Variants in MAP2K4 observed in about 807,000 individuals in gnomAD.
MAP2K4 encodes mitogen-activated protein kinase kinase 4.
A neutral mutation model predicts 48.5 loss-of-function variants in MAP2K4; 4 were observed. The ratio of observed to expected loss-of-function variants is 0.08; its 90% CI spans 0.04 to 0.19. The LOEUF is 0.19. MAP2K4 is among the 10% of genes least tolerant of loss of function. The pLI, the probability that MAP2K4 is intolerant of heterozygous loss-of-function variation, is 1.00. For missense variants in MAP2K4, 258 were observed against 493.3 expected, an observed-to-expected ratio of 0.52 and a Z score of 4.52; for synonymous variants, 166 against 173.1, an observed-to-expected ratio of 0.96 and a Z score of 0.32.
chr17:12,065,080 G>A (rs1028854006), intron 2 of MAP2K4, among the ~76,000 whole-genome samples: 3 of 152,012 alleles, frequency 2.0e-5, no homozygotes, highest in Non-Finnish European at 4.4e-5. Context: ...GGGAACCAGG[G>A]AATTTTCTGA....
intron 1 of MAP2K4, among the ~76,000 whole-genome samples, chr17:12,043,739 G>T (rs907342870): frequency 6.6e-6 from 1 of 152,200 alleles, no homozygotes; most frequent in East Asian, 1.9e-4. Context: ...GGGGAATAGC[G>T]CAGAGGTTCT....
chr17:12,028,662 G>A (rs1189484941), intron 1 of MAP2K4, among the ~76,000 whole-genome samples: 1 of 152,130 alleles, frequency 6.6e-6, no homozygotes, highest in Non-Finnish European at 1.5e-5. Context: ...ACCCAGTAAG[G>A]CAGCTCTGAT....
intron 1 of MAP2K4, among the ~76,000 whole-genome samples, chr17:12,050,172 C>T (rs1339320972): frequency 6.6e-6 from 1 of 152,010 alleles, no homozygotes; most frequent in Non-Finnish European, 1.5e-5. Context: ...ATCTTGCTTT[C>T]CTGTGATATA....
In MAP2K4 at chr17:12,142,644, C is replaced by T. The variant is rs575793095; in HGVS notation, c.*1384C>T. ...ACGTTCATCACCTGCTAGAACCTCTCGTAGTCCATCACCATTTCTTGGCAT... is the reference window on the plus strand; with the variant it reads ...ACGTTCATCACCTGCTAGAACCTCTTGTAGTCCATCACCATTTCTTGGCAT... On this transcript the variant is annotated 3_prime_UTR_variant, in exon 11 of 11. Coordinates refer to ENST00000353533, the MANE Select transcript of MAP2K4 (RefSeq NM_003010.4). The T allele has an allele frequency of 2.6e-5, 6 of 233,074 alleles. No homozygotes were observed. The highest frequency in any genetic ancestry group is 1.8e-4 in the South Asian group (1 of 5,524). The allele number at this position is 233,074 out of a possible 1,614,324, so 14.4% of individuals were successfully genotyped here.
chr17:12,119,644 A>G (rs1458398538), intron 7 of MAP2K4, among the ~76,000 whole-genome samples: 1 of 152,250 alleles, frequency 6.6e-6, no homozygotes, highest in Admixed American at 6.5e-5. Flanking sequence ...GGAAATGGGT[A>G]TATACCAAAA....
chr17:12,137,587 A>G (rs1973245790), intron 9 of MAP2K4, among the ~76,000 whole-genome samples: 1 of 152,190 alleles, frequency 6.6e-6, no homozygotes, highest in Non-Finnish European at 1.5e-5. Context: ...CACAGATTAT[A>G]TGAAAAGCAG....
chr17:12,135,809 C>T (rs1597505144), intron 9 of MAP2K4, among the ~76,000 whole-genome samples: 1 of 152,290 alleles, frequency 6.6e-6, no homozygotes, highest in Non-Finnish European at 1.5e-5. Flanking sequence ...CTCAGCCTCC[C>T]AAAGTTCTGG....
intron 2 of MAP2K4, among the ~76,000 whole-genome samples, chr17:12,071,606 A>G (rs1279827724): frequency 6.6e-6 from 1 of 152,160 alleles, no homozygotes; most frequent in Non-Finnish European, 1.5e-5. Flanking sequence ...AAAACAACAA[A>G]ATGAATTTGA....
At chr17:12,032,717 T>C (rs937745414) in intron 1 of MAP2K4, among the ~76,000 whole-genome samples, 2 of 152,098 alleles carry the variant, frequency 1.3e-5, no homozygotes, top group African/African-American at 2.4e-5. Context: ...ATATTTTTAA[T>C]TTTTTTCTTT....
intron 7 of MAP2K4, 122 bp from the exon 8 acceptor site, chr17:12,125,172 G>A (rs931273008): frequency 2.8e-6 from 2 of 707,848 alleles, no homozygotes; most frequent in Non-Finnish European, 5.2e-6. Context: ...CCATTCTGAC[G>A]CTAGACATGG....
chr17:12,116,765 A>G (rs1298844361), intron 7 of MAP2K4, among the ~76,000 whole-genome samples: 1 of 152,180 alleles, frequency 6.6e-6, no homozygotes. Flanking sequence ...ATCTCCTATG[A>G]TATCAATGCC....
intron 4 of MAP2K4, among the ~76,000 whole-genome samples, chr17:12,098,219 C>T (rs1430951567): frequency 6.6e-6 from 1 of 152,082 alleles, no homozygotes; most frequent in Non-Finnish European, 1.5e-5. Flanking sequence ...GTGGCTCAAG[C>T]CTGTAATCCC....
chr17:12,099,248 A>G (rs941214142), intron 4 of MAP2K4, among the ~76,000 whole-genome samples: 6 of 151,410 alleles, frequency 4.0e-5, no homozygotes, highest in African/African-American at 1.5e-4. Flanking sequence ...TCTTTTTTTA[A>G]TGGCTGTCAC....
At chr17:12,032,587 C>G (rs1329154196) in intron 1 of MAP2K4, among the ~76,000 whole-genome samples, 4 of 151,968 alleles carry the variant, frequency 2.6e-5, no homozygotes, top group Non-Finnish European at 5.9e-5. Flanking sequence ...TCAGACTTAA[C>G]CCTAATTTAA....
chr17:12,057,484 A>G (rs1970317446), intron 2 of MAP2K4, among the ~76,000 whole-genome samples: 8 of 152,094 alleles, frequency 5.3e-5, no homozygotes. Context: ...TTTATTCTTG[A>G]TATTCTGTAA....
chr17:12,111,082 C>T (rs907942447), intron 6 of MAP2K4, among the ~76,000 whole-genome samples: 1 of 152,126 alleles, frequency 6.6e-6, no homozygotes, highest in Non-Finnish European at 1.5e-5. Flanking sequence ...TAATGAGGTG[C>T]TGGCTTTGAG....
intron 7 of MAP2K4, 129 bp downstream of exon 7, chr17:12,113,489 A>G (rs1972376091): frequency 9.0e-7 from 1 of 1,111,378 alleles, no homozygotes; most frequent in Admixed American, 2.5e-5. Flanking sequence ...CCTAAGGCCC[A>G]AGCTCAGGTC....
At chr17:12,040,951 TACAACTA>T (rs991564236) in intron 1 of MAP2K4, among the ~76,000 whole-genome samples, 1 of 152,362 alleles carries the variant, frequency 6.6e-6, no homozygotes. Flanking sequence ...CATAATGTTC[TACAACTA>T]ATTTGCTCTT....
At chr17:12,043,599 A>T (rs1040959309) in intron 1 of MAP2K4, among the ~76,000 whole-genome samples, 2 of 152,106 alleles carry the variant, frequency 1.3e-5, no homozygotes, top group African/African-American at 2.4e-5. Flanking sequence ...ATTTGCTAGC[A>T]TGTCTTATGG....
Sources: allele counts gnomAD v4.1 joint callset (sites outside exome capture counted in the v4.1 genomes callset), GRCh38; gene constraint gnomAD v4.1.1; transcripts MANE v1.5; gene names NCBI Gene and HGNC (gene_info 2026-07-23, HGNC 2026-07-21).